The following CACNG3 variants were observed in gnomAD, a reference collection of about 807,000 sequenced individuals.
The protein encoded by CACNG3 is voltage-dependent calcium channel gamma-3 subunit.
In CACNG3, 3 loss-of-function variants were observed where a neutral mutation model predicts 28.5. The ratio of observed to expected loss-of-function variants is 0.11; its 90% CI spans 0.05 to 0.27. The LOEUF (loss-of-function observed/expected upper bound fraction) is 0.27, where lower values mean the gene tolerates loss of function less well. Among genes scored for constraint, CACNG3 ranks in the 10% least tolerant of loss-of-function variants. The probability of loss-of-function intolerance (pLI) is 1.00; values close to 1 mark genes in which losing one functional copy is unlikely to be tolerated. For missense variants in CACNG3, 236 were observed against 414.4 expected, an observed-to-expected ratio of 0.57 and a Z score of 3.74; for synonymous variants, 174 against 162.2, an observed-to-expected ratio of 1.07 and a Z score of -0.55.
intron 1 of CACNG3, among the ~76,000 whole-genome samples, chr16:24,308,605 A>G (rs1042628450): frequency 6.6e-6 from 1 of 152,128 alleles, no homozygotes; most frequent in Non-Finnish European, 1.5e-5. Flanking sequence ...CTGTAATCCC[A>G]GCACTTTGGG....
intron 1 of CACNG3, among the ~76,000 whole-genome samples, chr16:24,331,560 T>C (rs1426626127): frequency 2.0e-5 from 3 of 152,194 alleles, no homozygotes; most frequent in Admixed American, 2.0e-4. Flanking sequence ...GTTCCTAGCA[T>C]GCAAAGAGAT....
chr16:24,341,467 A>G (rs1197310765), intron 1 of CACNG3, among the ~76,000 whole-genome samples: 1 of 152,226 alleles, frequency 6.6e-6, no homozygotes, highest in African/African-American at 2.4e-5. Context: ...AGTTCCTACC[A>G]TACTCCAGGA....
At chr16:24,360,292 T>G (rs541263777) in intron 3 of CACNG3, among the ~76,000 whole-genome samples, 1 of 152,022 alleles carries the variant, frequency 6.6e-6, no homozygotes, top group Non-Finnish European at 1.5e-5. Context: ...ATGAGAAAGG[T>G]AGGCAGAGAT....
In CACNG3 at chr16:24,257,371, GAGAGA is replaced by G. The variant is rs1567427538; in HGVS notation, c.211+407_211+411del. On this transcript the variant is annotated intron_variant, in intron 1 of 3. Coordinates refer to ENST00000005284, the MANE Select transcript of CACNG3 (RefSeq NM_006539.4). Reference sequence around the variant, plus strand: ...ACAAGAGGAAAGAAGTGAGGGGGGAGAGAGAGAGAGAGAGAGAGAGAGAGAGAGAG... The same window carrying G: ...ACAAGAGGAAAGAAGTGAGGGGGGAGGAGAGAGAGAGAGAGAGAGAGAGAG... Among the ~76,000 whole-genome samples, 57 of 8,794 alleles carry G rather than the reference GAGAGA, an allele frequency of 6.5e-3. 4 individuals are homozygous for G. Among genetic ancestry groups the G allele is most frequent in the Middle Eastern group, 0.028 (1 of 36 alleles). 5.8% of individuals were successfully genotyped at this position (8,794 alleles called of 152,430 possible). A position where few individuals can be genotyped will look rare whatever the true frequency, so the allele number is the denominator to read the frequency against.
At chr16:24,294,220 G>A (rs1347839359) in intron 1 of CACNG3, among the ~76,000 whole-genome samples, 3 of 152,208 alleles carry the variant, frequency 2.0e-5, no homozygotes, top group Non-Finnish European at 1.5e-5. Flanking sequence ...GCTGGAAGAA[G>A]GCACCAGAAC....
intron 1 of CACNG3, among the ~76,000 whole-genome samples, chr16:24,280,070 G>A (rs1490997457): frequency 6.6e-6 from 1 of 152,128 alleles, no homozygotes; most frequent in Non-Finnish European, 1.5e-5. Context: ...CCGGTGAAAG[G>A]TCATTAGCTA....
intron 1 of CACNG3, among the ~76,000 whole-genome samples, chr16:24,283,974 C>T (rs889372788): frequency 6.6e-6 from 1 of 152,152 alleles, no homozygotes; most frequent in Non-Finnish European, 1.5e-5. Flanking sequence ...TAAGAATTCC[C>T]ATCAGGTATG....
chr16:24,312,976 A>G (rs1348094802), intron 1 of CACNG3, among the ~76,000 whole-genome samples: 13 of 139,070 alleles, frequency 9.3e-5, no homozygotes, highest in Admixed American at 1.4e-4. Flanking sequence ...AAAAGAAAGA[A>G]AGAAATAAAA....
chr16:24,323,219 CAAAAA>C (rs761999416), intron 1 of CACNG3, among the ~76,000 whole-genome samples: 3 of 66,790 alleles, frequency 4.5e-5, no homozygotes, highest in African/African-American at 1.2e-4. Context: ...GAGCAGGACT[CAAAAA>C]AAAAAAAAAA....
intron 1 of CACNG3, among the ~76,000 whole-genome samples, chr16:24,308,581 G>T (rs1042657943): frequency 3.3e-5 from 5 of 151,896 alleles, no homozygotes; most frequent in Non-Finnish European, 5.9e-5. Context: ...CAGGCCAGGC[G>T]CCGTGGCTCA....
chr16:24,295,189 C>T (rs765020611), intron 1 of CACNG3, among the ~76,000 whole-genome samples: 2 of 152,186 alleles, frequency 1.3e-5, no homozygotes, highest in Non-Finnish European at 2.9e-5. Context: ...TCTAAGTGGT[C>T]AGTCCAGCTT....
intron 1 of CACNG3, among the ~76,000 whole-genome samples, chr16:24,340,500 CA>C (rs1417849626): frequency 2.0e-5 from 3 of 152,152 alleles, no homozygotes; most frequent in African/African-American, 7.2e-5. Context: ...ATACGTGTAT[CA>C]AAGTATCACT....
chr16:24,345,220 G>A (rs561713686), intron 1 of CACNG3, among the ~76,000 whole-genome samples: 1 of 152,230 alleles, frequency 6.6e-6, no homozygotes, highest in South Asian at 2.1e-4. Context: ...TCCGAACCTT[G>A]TCCGTTTCCC....
At chr16:24,312,032 C>T (rs1171232999) in intron 1 of CACNG3, among the ~76,000 whole-genome samples, 1 of 152,196 alleles carries the variant, frequency 6.6e-6, no homozygotes, top group Non-Finnish European at 1.5e-5. Flanking sequence ...CAGCCTGCAC[C>T]AGTCTGCTCT....
At chr16:24,281,608 T>G (rs1269793951) in intron 1 of CACNG3, among the ~76,000 whole-genome samples, 2 of 152,204 alleles carry the variant, frequency 1.3e-5, no homozygotes, top group East Asian at 3.8e-4. Flanking sequence ...ATATGTCCAT[T>G]ATTGAACCAA....
chr16:24,276,115 G>C (rs1409867018), intron 1 of CACNG3, among the ~76,000 whole-genome samples: 1 of 152,206 alleles, frequency 6.6e-6, no homozygotes, highest in Non-Finnish European at 1.5e-5. Flanking sequence ...TCTAACAACA[G>C]TGGGCAACAG....
intron 1 of CACNG3, among the ~76,000 whole-genome samples, chr16:24,263,265 C>T (rs184927008): frequency 2.6e-4 from 40 of 152,152 alleles, no homozygotes; most frequent in Admixed American, 1.0e-3. Context: ...TATTTCAAAA[C>T]CTTTTCACTG....
At chr16:24,315,614 TTC>T (rs2141366920) in intron 1 of CACNG3, among the ~76,000 whole-genome samples, 1 of 151,876 alleles carries the variant, frequency 6.6e-6, no homozygotes, top group African/African-American at 2.4e-5. Flanking sequence ...CTCTCTTTCT[TTC>T]TTTCTTTTTC....
rs113929383 is a variant in CACNG3, at chr16:24,320,958, C to T, written c.212-25776C>T. On this transcript the variant is annotated intron_variant, in intron 1 of 3. Coordinates refer to ENST00000005284, the MANE Select transcript of CACNG3 (RefSeq NM_006539.4). ...ATGTTGCCCAGGTTGGTCTCAAACT[C>T]CTGGCCTTGAATGGTCCTCTCACCT... 9.2e-5 allele frequency among the ~76,000 whole-genome samples: 14 copies of T among 152,106 alleles called. 1 individual carries two copies. The highest frequency in any genetic ancestry group is 3.4e-4 in the African/African-American group (14 of 41,490).
Sources: allele counts gnomAD v4.1 joint callset (sites outside exome capture counted in the v4.1 genomes callset), GRCh38; gene constraint gnomAD v4.1.1; transcripts MANE v1.5; gene names NCBI Gene and HGNC (gene_info 2026-07-23, HGNC 2026-07-21).